The following KHDC1 variants were observed in gnomAD, a reference collection of about 807,000 sequenced individuals.
KHDC1 encodes KH domain containing 1.
Under a neutral mutation model 24.7 loss-of-function variants are expected in KHDC1, and 21 were observed. That is an observed-to-expected ratio of 0.85 (90% CI 0.60 to 1.23). The LOEUF is 1.23. Ranked by LOEUF, KHDC1 falls within the 50% of genes most tolerant of loss-of-function variation. The pLI is 0.00. For synonymous variants in KHDC1, 98 were observed against 111.7 expected (o/e 0.88, Z 0.77); for missense variants, 274 against 298.5 (o/e 0.92, Z 0.61).
rs73757030 is a variant in KHDC1 at position 73,251,355 on chromosome 6, T to A, written c.207-8825A>T. Reference sequence around the variant, plus strand: ...TAGTATGAGAAAGTCTGCAGTGATATTTCTATCAAACCTGAGAAAATACAC... The same window carrying A: ...TAGTATGAGAAAGTCTGCAGTGATAATTCTATCAAACCTGAGAAAATACAC... On this transcript the variant is annotated intron_variant, in intron 2 of 4. Transcript: ENST00000370384. 6.9e-3 allele frequency among the ~76,000 whole-genome samples: 1,052 copies of A among 152,318 alleles called. 12 individuals are homozygous for A. The highest frequency in any genetic ancestry group is 0.024 in the African/African-American group (1,002 of 41,566).
chr6:73,305,638 T>C (rs1767949583), intron 1 of KHDC1, among the ~76,000 whole-genome samples: 1 of 152,196 alleles, frequency 6.6e-6, no homozygotes, highest in Non-Finnish European at 1.5e-5. Context: ...TTTAAGAGAA[T>C]ATAATATATT....
At position 73,253,917 on chromosome 6, in the gene KHDC1, G is replaced by GCAA. The variant is rs567308502; in HGVS notation, c.207-11390_207-11388dup. 6.0e-5 allele frequency among the ~76,000 whole-genome samples: 9 copies of GCAA among 150,690 alleles called. No individual in the cohort carries two copies. The East Asian group carries it at 1.6e-3, about 26-fold the overall frequency. On this transcript the variant is annotated intron_variant, in intron 2 of 4. Coordinates refer to ENST00000370384, the Ensembl canonical transcript of KHDC1. The stretch of plus-strand genomic sequence containing the variant: ...TGAGGCTCTGTCTCCAACAACAACA[G>GCAA]CAACAACAATAACAACAACAAAAAA...
intron 2 of KHDC1, among the ~76,000 whole-genome samples, chr6:73,277,310 C>A (rs969408517): frequency 6.6e-6 from 1 of 152,072 alleles, no homozygotes; most frequent in Non-Finnish European, 1.5e-5. Flanking sequence ...ACTAAAAATA[C>A]AAAAATTAGC....
rs939981329 is a variant in KHDC1, at chr6:73,256,503, T to C, written c.207-13973A>G. 1.3e-5 allele frequency among the ~76,000 whole-genome samples: 2 copies of C among 152,358 alleles called. 1 individual carries two copies. On this transcript the variant is annotated intron_variant, in intron 2 of 4. Coordinates refer to ENST00000370384, the Ensembl canonical transcript of KHDC1. ...TCAGGGAGTCTGGCGTTACAAATGA[T>C]ATTTGGTCAAGAAAAAGCAGCAGGA...
chr6:73,253,000 A>G (rs888917356), intron 2 of KHDC1, among the ~76,000 whole-genome samples: 7 of 152,214 alleles, frequency 4.6e-5, no homozygotes, highest in African/African-American at 1.7e-4. Context: ...AAATTTTAAA[A>G]TAATTCCTAA....
intron 1 of KHDC1, among the ~76,000 whole-genome samples, chr6:73,298,303 C>G (rs1423665785): frequency 2.0e-5 from 3 of 151,942 alleles, no homozygotes; most frequent in Non-Finnish European, 4.4e-5. Flanking sequence ...CAAGGACAGG[C>G]TCAAGTTTCC....
intron 2 of KHDC1, among the ~76,000 whole-genome samples, chr6:73,266,846 C>T (rs1045439010): frequency 5.9e-5 from 9 of 152,106 alleles, no homozygotes; most frequent in African/African-American, 2.2e-4. Context: ...AAAATATTTG[C>T]AAATCATGTA....
At chr6:73,293,606 C>T (rs946443959) in intron 1 of KHDC1, among the ~76,000 whole-genome samples, 1 of 151,984 alleles carries the variant, frequency 6.6e-6, no homozygotes, top group Non-Finnish European at 1.5e-5. Context: ...ATGGCAAAAC[C>T]CCATCTCTAC....
chr6:73,259,717 TG>T (rs1219881593), intron 2 of KHDC1, among the ~76,000 whole-genome samples: 2 of 152,224 alleles, frequency 1.3e-5, no homozygotes, highest in African/African-American at 4.8e-5. Context: ...TAAACAAGCA[TG>T]TTGTGGTCTC....
intron 2 of KHDC1, chr6:73,290,723 G>C: frequency 2.5e-6 from 1 of 399,746 alleles, no homozygotes; most frequent in Non-Finnish European, 4.9e-6. Flanking sequence ...TTCACTTCTG[G>C]AACCTTTGCT....
chr6:73,259,594 G>A (rs1174031371), intron 2 of KHDC1, among the ~76,000 whole-genome samples: 1 of 152,114 alleles, frequency 6.6e-6, no homozygotes, highest in African/African-American at 2.4e-5. Flanking sequence ...AGGATAGATC[G>A]AAGGGAATGC....
At chr6:73,278,782 T>C (rs867010639) in intron 2 of KHDC1, among the ~76,000 whole-genome samples, 2 of 152,196 alleles carry the variant, frequency 1.3e-5, no homozygotes, top group African/African-American at 2.4e-5. Context: ...ACAGTACATA[T>C]AGAGTTCAGT....
At chr6:73,288,620 T>TA (rs35316122) in intron 2 of KHDC1, among the ~76,000 whole-genome samples, 24,379 of 150,864 alleles carry the variant, frequency 0.16, 2,466 homozygotes, top group African/African-American at 0.28. Flanking sequence ...GACTTCGTCT[T>TA]AAAAAAAAAG....
intron 1 of KHDC1, among the ~76,000 whole-genome samples, chr6:73,304,448 G>T (rs1767926568): frequency 6.6e-6 from 1 of 151,986 alleles, no homozygotes; most frequent in Non-Finnish European, 1.5e-5. Flanking sequence ...GAATGGGAGA[G>T]GCTTTTCATG....
At chr6:73,271,932 C>A (rs1162295774) in intron 2 of KHDC1, among the ~76,000 whole-genome samples, 1 of 151,556 alleles carries the variant, frequency 6.6e-6, no homozygotes, top group African/African-American at 2.4e-5. Context: ...TCAGTATGTA[C>A]TGACAGATGG....
intron 2 of KHDC1, among the ~76,000 whole-genome samples, chr6:73,265,153 A>G (rs1767057362): frequency 6.6e-6 from 1 of 152,148 alleles, no homozygotes; most frequent in Admixed American, 6.5e-5. Flanking sequence ...CTCATCAGTT[A>G]CCTATTTAGC....
At chr6:73,268,552 C>A in intron 2 of KHDC1, 1 of 152,350 alleles carries the variant, frequency 6.6e-6, no homozygotes, top group Non-Finnish European at 1.5e-5. Flanking sequence ...CTGTTTTGGA[C>A]AGGGCGCTGA....
intron 2 of KHDC1, chr6:73,284,622 C>T (rs1767485587): frequency 6.6e-6 from 1 of 152,088 alleles, no homozygotes; most frequent in African/African-American, 2.4e-5. Context: ...TTTACTACCA[C>T]AATGCTGTCT....
chr6:73,292,760 G>C (rs1767680042), intron 1 of KHDC1: 6 of 726,634 alleles, frequency 8.3e-6, no homozygotes, highest in Non-Finnish European at 1.6e-5. Context: ...ACGTTGGCAG[G>C]TGCTAAAAGA....
Sources: allele counts gnomAD v4.1 joint callset (sites outside exome capture counted in the v4.1 genomes callset), GRCh38; gene constraint gnomAD v4.1.1; transcripts MANE v1.5; gene names NCBI Gene and HGNC (gene_info 2026-07-23, HGNC 2026-07-21).